The following PCLO variants were observed in gnomAD, a reference collection of about 807,000 sequenced individuals.
The protein encoded by PCLO is piccolo presynaptic cytomatrix protein, also known as protein piccolo.
PCLO carries 82 observed loss-of-function variants against 427.5 expected under a neutral mutation model. The ratio of observed to expected loss-of-function variants is 0.19; its 90% CI spans 0.16 to 0.23. The LOEUF (loss-of-function observed/expected upper bound fraction) is 0.23, where lower values mean the gene tolerates loss of function less well. PCLO is among the 10% of genes least tolerant of loss of function. The pLI, the probability that PCLO is intolerant of heterozygous loss-of-function variation, is 1.00. For missense variants in PCLO, 6,239 were observed against 6,115.9 expected (o/e 1.02, Z -0.67); for synonymous variants, 2,357 against 2,155.4 (o/e 1.09, Z -2.59).
At chr7:82,975,538 T>C in intron 3 of PCLO, among the ~76,000 whole-genome samples, 1 of 152,194 alleles carries the variant, frequency 6.6e-6, no homozygotes, top group East Asian at 1.9e-4. Context: ...TCCTGTGATG[T>C]GGTAGAACAC....
intron 3 of PCLO, among the ~76,000 whole-genome samples, chr7:83,031,729 TC>T (rs1788671351): frequency 1.3e-5 from 2 of 151,368 alleles, no homozygotes; most frequent in Admixed American, 1.3e-4. Context: ...TCTCTCTCTC[TC>T]TCTCCCTCCC....
intron 6 of PCLO, among the ~76,000 whole-genome samples, chr7:82,929,473 A>T (rs2116332658): frequency 6.6e-6 from 1 of 152,304 alleles, no homozygotes; most frequent in Admixed American, 6.5e-5. Flanking sequence ...CTCAAATAAA[A>T]AAATCAAAAT....
chr7:83,120,123 C>A (rs1791237878), intron 3 of PCLO, among the ~76,000 whole-genome samples: 1 of 151,876 alleles, frequency 6.6e-6, no homozygotes, highest in Non-Finnish European at 1.5e-5. Flanking sequence ...TTCAGGGAGG[C>A]CAGGCATGGT....
Position 82,915,818 on chromosome 7 carries a change from G to C in PCLO, c.12168C>G (p.Thr4056=). The C allele has an allele frequency of 6.2e-7, 1 of 1,613,244 alleles. No homozygotes were observed. The highest frequency in any genetic ancestry group is 2.2e-5 in the East Asian group (1 of 44,724). The change falls in exon 7 of 25, where the codon ACC becomes ACG. Residue 4056 remains threonine, a synonymous_variant. Coordinates refer to ENST00000333891, the MANE Select transcript of PCLO (RefSeq NM_033026.6). ...CGGTGCTTAATGCCGCTGTTCCTTT[G>C]GTGATCTCTCCAATGTCGTCAATTA... ...YVLIDDIGEI[T]KGTAALSTAF... is the part of the protein sequence containing the mutation.
intron 3 of PCLO, among the ~76,000 whole-genome samples, chr7:83,000,371 G>T (rs1787791738): frequency 6.6e-6 from 1 of 151,508 alleles, no homozygotes; most frequent in Non-Finnish European, 1.5e-5. Context: ...GAGAAATAAA[G>T]AACTTATCAA....
chr7:83,110,013 C>T (rs975397986), intron 3 of PCLO, among the ~76,000 whole-genome samples: 1 of 151,416 alleles, frequency 6.6e-6, no homozygotes, highest in Non-Finnish European at 1.5e-5. Flanking sequence ...GCTCAGTTTC[C>T]TCATCTATAA....
chr7:83,004,143 C>T (rs1787890276), intron 3 of PCLO, among the ~76,000 whole-genome samples: 1 of 151,736 alleles, frequency 6.6e-6, no homozygotes, highest in South Asian at 2.1e-4. Flanking sequence ...ACATTTTCCA[C>T]AGAAATGGAA....
chr7:83,010,210 A>G (rs1225102630), intron 3 of PCLO, among the ~76,000 whole-genome samples: 1 of 151,950 alleles, frequency 6.6e-6, no homozygotes, highest in Non-Finnish European at 1.5e-5. Context: ...CAAGCAGCAC[A>G]TCCTTCTCAA....
chr7:82,852,458 T>TC (rs1411468134), intron 10 of PCLO, among the ~76,000 whole-genome samples: 3 of 152,068 alleles, frequency 2.0e-5, no homozygotes, highest in Non-Finnish European at 4.4e-5. Context: ...CTTCCGGCCT[T>TC]CATCTTTCTC....
At chr7:82,941,979 G>C (rs1406749070) in intron 6 of PCLO, among the ~76,000 whole-genome samples, 3 of 152,164 alleles carry the variant, frequency 2.0e-5, no homozygotes, top group Non-Finnish European at 4.4e-5. Flanking sequence ...AGGAGTTCAA[G>C]ACTAGCCTGG....
intron 3 of PCLO, among the ~76,000 whole-genome samples, chr7:83,080,070 C>T (rs1790057064): frequency 6.6e-6 from 1 of 152,130 alleles, no homozygotes; most frequent in African/African-American, 2.4e-5. Flanking sequence ...TTCATGGCTG[C>T]ATAGTATTCC....
At chr7:83,004,766 AC>A (rs1032462445) in intron 3 of PCLO, among the ~76,000 whole-genome samples, 1 of 151,618 alleles carries the variant, frequency 6.6e-6, no homozygotes, top group Non-Finnish European at 1.5e-5. Flanking sequence ...TATTTGAAAA[AC>A]ATATATCTGA....
At chr7:83,097,818 T>A (rs1584021868) in intron 3 of PCLO, among the ~76,000 whole-genome samples, 1 of 151,788 alleles carries the variant, frequency 6.6e-6, no homozygotes, top group East Asian at 1.9e-4. Context: ...GATCATATTT[T>A]AAAAACTTTT....
rs1355051388 is a variant in PCLO at position 82,950,624 on chromosome 7, G to A, written c.9964C>T (p.Pro3322Ser). Residue 3322 changes from proline to serine, a missense_variant, in exon 6 of 25, where the codon CCT (proline) becomes TCT (serine). Transcript: ENST00000333891. ...IRQIYQYNYD[P>S]SGTASPQTTT... is the part of the protein sequence containing the mutation. ...GTTTGTGGAGAAGCAGTTCCAGAAG[G>A]GTCATAGTTATACTGGTAGATCTGC... 4 of 1,613,824 alleles carry A rather than the reference G, an allele frequency of 2.5e-6. No homozygotes were observed. The highest frequency in any genetic ancestry group is 3.4e-6 in the Non-Finnish European group (4 of 1,179,838).
intron 22 of PCLO, among the ~76,000 whole-genome samples, chr7:82,767,390 A>C (rs1790554058): frequency 6.6e-6 from 1 of 152,152 alleles, no homozygotes. Context: ...GGGATGGAGG[A>C]TGTAGAAGTC....
chr7:82,935,269 T>G (rs1794926272), intron 6 of PCLO, among the ~76,000 whole-genome samples: 1 of 150,868 alleles, frequency 6.6e-6, no homozygotes, highest in African/African-American at 2.4e-5. Flanking sequence ...CTTTGCAACT[T>G]ACTTGTTCAG....
chr7:82,791,844 A>T lies in PCLO; in HGVS notation c.15007+9674T>A, dbSNP rs936025366. Among the ~76,000 whole-genome samples the T allele has an allele frequency of 1.4e-4, 22 of 152,200 alleles. No individual in the cohort carries two copies. The South Asian group carries it at 2.3e-3, about 16-fold the overall frequency. ...GGATTTTCTAGATATAATAAATTTT[A>T]AAAAATTTTCATTAAAGTAATAAAC... On this transcript the variant is annotated intron_variant, in intron 22 of 24. Coordinates refer to ENST00000333891, the MANE Select transcript of PCLO (RefSeq NM_033026.6).
At chr7:82,774,533 C>A (rs1790710100) in intron 22 of PCLO, among the ~76,000 whole-genome samples, 1 of 152,094 alleles carries the variant, frequency 6.6e-6, no homozygotes, top group Non-Finnish European at 1.5e-5. Flanking sequence ...CTATAGGTAT[C>A]TTGGTTATTT....
chr7:82,863,162 T>C (rs1793007452), intron 10 of PCLO, among the ~76,000 whole-genome samples: 1 of 151,924 alleles, frequency 6.6e-6, no homozygotes, highest in South Asian at 2.1e-4. Context: ...AATTAAAAAG[T>C]TATACTTTGC....
Sources: allele counts gnomAD v4.1 joint callset (sites outside exome capture counted in the v4.1 genomes callset), GRCh38; gene constraint gnomAD v4.1.1; transcripts MANE v1.5; gene names NCBI Gene and HGNC (gene_info 2026-07-23, HGNC 2026-07-21).